The following SASH1 variants were observed in gnomAD, a reference collection of about 807,000 sequenced individuals.
SASH1 encodes the protein SAM and SH3 domain-containing protein 1.
In SASH1, 44 loss-of-function variants were observed where a neutral mutation model predicts 125.2. The ratio of observed to expected loss-of-function variants is 0.35; its 90% CI spans 0.28 to 0.45. SASH1 has a LOEUF of 0.45. Ranked by LOEUF, SASH1 falls within the 20% of genes least tolerant of loss-of-function variation. SASH1 has a pLI of 1.00. For synonymous variants in SASH1, 639 were observed against 649.1 expected (o/e 0.98, Z 0.24); for missense variants, 1,426 against 1,614.5 (o/e 0.88, Z 2.00).
At chr6:148,356,272 A>C (rs1401172738) in intron 1 of SASH1, among the ~76,000 whole-genome samples, 1 of 151,264 alleles carries the variant, frequency 6.6e-6, no homozygotes, top group Non-Finnish European at 1.5e-5. Flanking sequence ...TTTAGTAGAG[A>C]CAGAGTTTCA....
Position 148,548,688 on chromosome 6 carries a change from A to C in SASH1, c.*130A>C. On this transcript the variant is annotated 3_prime_UTR_variant, in exon 20 of 20. Coordinates refer to ENST00000367467, the MANE Select transcript of SASH1 (RefSeq NM_015278.5). ...AGAAAGGCCTGGCGTGTGGCCAAAC[A>C]GCGTGAAACCTTGGCACAGGACTGA... 8.9e-7 allele frequency: 1 copy of C among 1,126,762 alleles called. No individual in the cohort carries two copies. The highest frequency in any genetic ancestry group is 1.2e-6 in the Non-Finnish European group (1 of 805,528). 69.8% of individuals were successfully genotyped at this position (1,126,762 alleles called of 1,614,324 possible). A position where few individuals can be genotyped will look rare whatever the true frequency, so the allele number is the denominator to read the frequency against.
intron 4 of SASH1, among the ~76,000 whole-genome samples, chr6:148,448,640 T>A (rs1776925226): frequency 6.6e-6 from 1 of 152,168 alleles, no homozygotes; most frequent in Non-Finnish European, 1.5e-5. Flanking sequence ...TTACCCAGCC[T>A]GTGAGCTCTC....
chr6:148,299,539 C>T (rs1042802083), intron 1 of SASH1, among the ~76,000 whole-genome samples: 6 of 151,362 alleles, frequency 4.0e-5, no homozygotes, highest in African/African-American at 1.2e-4. Flanking sequence ...TAGTGGTGCA[C>T]GTCTGTAATC....
chr6:148,315,796 C>T (rs977379075), intron 1 of SASH1, among the ~76,000 whole-genome samples: 3 of 152,096 alleles, frequency 2.0e-5, no homozygotes, highest in African/African-American at 7.2e-5. Flanking sequence ...CCCAGCTGTT[C>T]AGGAGGCTGA....
At chr6:148,452,586 G>A (rs1013774043) in intron 4 of SASH1, among the ~76,000 whole-genome samples, 1 of 152,140 alleles carries the variant, frequency 6.6e-6, no homozygotes, top group African/African-American at 2.4e-5. Flanking sequence ...AATTCTTTAC[G>A]CCTCAGGTTT....
chr6:148,395,578 A>G (rs931504733), intron 2 of SASH1, among the ~76,000 whole-genome samples: 2 of 152,208 alleles, frequency 1.3e-5, no homozygotes, highest in Non-Finnish European at 2.9e-5. Context: ...ATTCACATTT[A>G]TAACTATGGT....
chr6:148,393,759 G>A lies in SASH1; in HGVS notation c.285+3497G>A, dbSNP rs529849286. ...AGCTTAATTAGTTCCCATCAAAGGT[G>A]CAAGAATTTGGTGGTGAGTAAAATT... On this transcript the variant is annotated intron_variant, in intron 2 of 19. Transcript: ENST00000367467. 19 of 983,634 alleles carry A rather than the reference G, an allele frequency of 1.9e-5. No individual in the cohort carries two copies. The East Asian group carries it at 1.7e-3, about 88-fold the overall frequency. 60.9% of individuals were successfully genotyped at this position (983,634 alleles called of 1,614,324 possible). A position where few individuals can be genotyped will look rare whatever the true frequency, so the allele number is the denominator to read the frequency against.
chr6:148,460,386 A>G (rs1253236636), intron 4 of SASH1, among the ~76,000 whole-genome samples: 2 of 152,208 alleles, frequency 1.3e-5, no homozygotes, highest in Non-Finnish European at 2.9e-5. Flanking sequence ...TTCAGTGTCC[A>G]TCTAGCACCT....
chr6:148,369,354 A>T lies in SASH1; in HGVS notation c.157-20780A>T, dbSNP rs77730516. 9.3e-3 allele frequency among the ~76,000 whole-genome samples: 1,417 copies of T among 152,300 alleles called. 14 individuals are homozygous for T. The highest frequency in any genetic ancestry group is 0.034 in the East Asian group (178 of 5,180). ...GTTGAAACTGTTTCTACTCAGGCAA[A>T]GGTGATTTCATTATGATGCAGGAAA... On this transcript the variant is annotated intron_variant, in intron 1 of 19. Coordinates refer to ENST00000367467, the MANE Select transcript of SASH1 (RefSeq NM_015278.5).
intron 1 of SASH1, among the ~76,000 whole-genome samples, chr6:148,310,009 A>G (rs1446521342): frequency 6.6e-6 from 1 of 152,210 alleles, no homozygotes; most frequent in Non-Finnish European, 1.5e-5. Flanking sequence ...CAAGCATAGT[A>G]CAGGAAGTAC....
chr6:148,371,376 C>A (rs367700622), intron 1 of SASH1, among the ~76,000 whole-genome samples: 2 of 151,820 alleles, frequency 1.3e-5, no homozygotes, highest in African/African-American at 4.8e-5. Flanking sequence ...CCTGCCTCAG[C>A]CTCCTGAGTA....
chr6:148,415,432 A>G (rs1338252168), intron 2 of SASH1, among the ~76,000 whole-genome samples: 1 of 152,198 alleles, frequency 6.6e-6, no homozygotes, highest in Non-Finnish European at 1.5e-5. Flanking sequence ...TGGGGTGAAG[A>G]CAAGATTGAT....
intron 8 of SASH1, among the ~76,000 whole-genome samples, chr6:148,503,250 A>G (rs1168537049): frequency 6.6e-6 from 1 of 152,220 alleles, no homozygotes; most frequent in Non-Finnish European, 1.5e-5. Context: ...AGTTGTTGAT[A>G]TGTATCAAAA....
chr6:148,357,777 C>A lies in SASH1; in HGVS notation c.156+14554C>A, dbSNP rs770145257. Among the ~76,000 whole-genome samples the A allele has an allele frequency of 2.0e-5, 3 of 151,968 alleles. No homozygotes were observed. The East Asian group carries it at 5.8e-4, about 29-fold the overall frequency. ...CTCCTGTTGTCACCTAAAAGATTTT[C>A]GGCCAGGCACAGTGGCTCACACCTG... On this transcript the variant is annotated intron_variant, in intron 1 of 19. Coordinates refer to ENST00000367467, the MANE Select transcript of SASH1 (RefSeq NM_015278.5).
At chr6:148,309,009 C>T (rs370333364) in intron 1 of SASH1, among the ~76,000 whole-genome samples, 6 of 142,964 alleles carry the variant, frequency 4.2e-5, no homozygotes, top group Admixed American at 2.3e-4. Flanking sequence ...GCTTGAACTC[C>T]GGAGGTGGAG....
At position 148,325,203 on chromosome 6, in the gene SASH1, C is replaced by T. The variant is rs555044486; in HGVS notation, n.74+52826C>T. Among the ~76,000 whole-genome samples the T allele has an allele frequency of 3.4e-4, 51 of 152,174 alleles. 1 individual carries two copies. Among genetic ancestry groups the T allele is most frequent in the South Asian group, 1.0e-3 (5 of 4,824 alleles). On this transcript the variant is annotated intron_variant and non_coding_transcript_variant, in intron 1 of 3. Coordinates refer to the SASH1 transcript ENST00000367469. ...ATTGCGGAAAGGGAAGGAAACACGTCGTTGTTCACATGATACCAGGAATGA... is the reference window on the plus strand; with the variant it reads ...ATTGCGGAAAGGGAAGGAAACACGTTGTTGTTCACATGATACCAGGAATGA...
intron 1 of SASH1, among the ~76,000 whole-genome samples, chr6:148,367,339 C>T (rs1324445450): frequency 1.6e-4 from 25 of 152,214 alleles, no homozygotes; most frequent in Admixed American, 1.6e-3. Context: ...TTTAGCAATC[C>T]TCAGTTGAGT....
At chr6:148,271,208 C>A (rs1289701665), upstream of SASH1, among the ~76,000 whole-genome samples, 2 of 152,182 alleles carry the variant, frequency 1.3e-5, no homozygotes, top group Non-Finnish European at 2.9e-5. Context: ...CCGCGCCCAG[C>A]TCATCCACAA....
intron 1 of SASH1, among the ~76,000 whole-genome samples, chr6:148,362,381 C>T (rs972127166): frequency 6.6e-6 from 1 of 151,990 alleles, no homozygotes; most frequent in Non-Finnish European, 1.5e-5. Flanking sequence ...TGCCACCATG[C>T]CTGGCCAAAT....
Sources: allele counts gnomAD v4.1 joint callset (sites outside exome capture counted in the v4.1 genomes callset), GRCh38; gene constraint gnomAD v4.1.1; transcripts MANE v1.5; gene names NCBI Gene and HGNC (gene_info 2026-07-23, HGNC 2026-07-21).